The following B3GALT5 variants were observed in gnomAD, a reference collection of about 807,000 sequenced individuals.
B3GALT5 encodes beta-1,3-galactosyltransferase 5, also known as UDP-Gal:betaGlcNAc beta 1,3-galactosyltransferase, polypeptide 5.
For missense variants in B3GALT5, 328 were observed against 396.6 expected (o/e 0.83, Z 1.47); for synonymous variants, 156 against 158.6 (o/e 0.98, Z 0.12).
chr21:39,661,441 CTA>C lies in B3GALT5; in HGVS notation c.883_884del (p.Tyr295LeufsTer29). 1 of 1,531,394 alleles carries C rather than the reference CTA, an allele frequency of 6.5e-7. No individual in the cohort carries two copies. The highest frequency in any genetic ancestry group is 8.8e-7 in the Non-Finnish European group (1 of 1,141,486). The allele number at this position is 1,531,394 out of a possible 1,614,324, so 94.9% of individuals were successfully genotyped here. ...HFIKPRTLLD[Y>X]WQALENSRGE... ...TCATCAAGCCTCGGACTCTCTTGGA[CTA>C]CTGGCAGGCTCTAGAGAATTCCCGG... On this transcript the variant is annotated frameshift_variant, in exon 4 of 4. Transcript: ENST00000684187. LOFTEE classifies it low-confidence loss of function (END_TRUNC). The surrounding 1 kb of genome is among the most constrained non-coding windows in gnomAD (Gnocchi z 4.7).
At chr21:39,628,697 C>T (rs984604378) in intron 1 of B3GALT5, among the ~76,000 whole-genome samples, 3 of 152,188 alleles carry the variant, frequency 2.0e-5, no homozygotes, top group Non-Finnish European at 4.4e-5. Context: ...TCACAAATGT[C>T]GTCCTGTACA....
intron 1 of B3GALT5, among the ~76,000 whole-genome samples, chr21:39,638,151 C>T (rs1461750007): frequency 6.6e-6 from 1 of 152,140 alleles, no homozygotes; most frequent in African/African-American, 2.4e-5. Flanking sequence ...GGTTAGGGCT[C>T]CATCCCTAGG....
chr21:39,657,847 ACTGG>A, intron 2 of B3GALT5: 1 of 1,231,778 alleles, frequency 8.1e-7, no homozygotes, highest in Non-Finnish European at 1.0e-6. Context: ...TCCGTTATTG[ACTGG>A]CTGGTCAGGC....
At chr21:39,616,088 C>A (rs1254628118) in intron 1 of B3GALT5, among the ~76,000 whole-genome samples, 1 of 151,298 alleles carries the variant, frequency 6.6e-6, no homozygotes, top group Non-Finnish European at 1.5e-5. Flanking sequence ...TGGTCCCTGT[C>A]TTTTTTTTTG....
At chr21:39,638,427 G>A (rs930629019) in intron 1 of B3GALT5, among the ~76,000 whole-genome samples, 2 of 152,190 alleles carry the variant, frequency 1.3e-5, no homozygotes, top group Non-Finnish European at 2.9e-5. Context: ...AGAAGGATGC[G>A]GAGGCGGGCT....
intron 1 of B3GALT5, among the ~76,000 whole-genome samples, chr21:39,624,090 C>T (rs959872378): frequency 1.3e-5 from 2 of 152,202 alleles, no homozygotes; most frequent in Non-Finnish European, 1.5e-5. Flanking sequence ...GTTTCTTTCT[C>T]ATTTATCTCC....
At chr21:39,649,913 G>A (rs1425399587) in intron 2 of B3GALT5, among the ~76,000 whole-genome samples, 1 of 152,200 alleles carries the variant, frequency 6.6e-6, no homozygotes, top group African/African-American at 2.4e-5. Flanking sequence ...TGTAAAGGTG[G>A]AGGCCTGGTT....
In B3GALT5 at chr21:39,650,698, G is replaced by T. The variant is rs112916055; in HGVS notation, c.-161+4076G>T. 7.4e-3 allele frequency among the ~76,000 whole-genome samples: 1,132 copies of T among 152,304 alleles called. 5 individuals are homozygous for T. The highest frequency in any genetic ancestry group is 0.012 in the Non-Finnish European group (788 of 68,034). ...GCCGGGGTGCTCTCCTGTGGCTCTG[G>T]TGGAACGTCCACAGGATACTGGAGA... On this transcript the variant is annotated intron_variant, in intron 2 of 3. Transcript: ENST00000684187.
intron 1 of B3GALT5, among the ~76,000 whole-genome samples, chr21:39,615,133 C>T (rs2079100914): frequency 6.6e-6 from 1 of 152,212 alleles, no homozygotes; most frequent in Non-Finnish European, 1.5e-5. Context: ...CTGCCCCTTC[C>T]TGCTCCCAGG....
chr21:39,638,099 G>A (rs768898907), intron 1 of B3GALT5, among the ~76,000 whole-genome samples: 1 of 152,152 alleles, frequency 6.6e-6, no homozygotes, highest in Non-Finnish European at 1.5e-5. Context: ...GGAAGGGCAC[G>A]GTCCCTTTAA....
At position 39,668,361 on chromosome 21, in the gene B3GALT5, C is replaced by G. The variant is rs2079597185; in HGVS notation, c.*6869C>G. 1 of 152,220 alleles carries G rather than the reference C, an allele frequency of 6.6e-6. No individual in the cohort carries two copies. The highest frequency in any genetic ancestry group is 2.1e-4 in the South Asian group (1 of 4,836). 9.4% of individuals were successfully genotyped at this position (152,220 alleles called of 1,614,324 possible). A position where few individuals can be genotyped will look rare whatever the true frequency, so the allele number is the denominator to read the frequency against. ...GCAGACCCAGGCTCTAAGCTAGCCT[C>G]TGCAAACTCAGGATATATATTCCAA... On this transcript the variant is annotated 3_prime_UTR_variant, in exon 4 of 4. Coordinates refer to ENST00000684187, the MANE Select transcript of B3GALT5 (RefSeq NM_001356336.2).
chr21:39,639,589 C>T (rs1166693139), intron 1 of B3GALT5, among the ~76,000 whole-genome samples: 3 of 151,324 alleles, frequency 2.0e-5, no homozygotes, highest in Non-Finnish European at 2.9e-5. Context: ...AAGCAATTCT[C>T]CTGCCTCAGC....
chr21:39,651,821 G>A (rs1003066474), intron 2 of B3GALT5, among the ~76,000 whole-genome samples: 8 of 152,114 alleles, frequency 5.3e-5, no homozygotes, highest in Middle Eastern at 3.2e-3. Context: ...TAAATGAGGC[G>A]ATGAGGAAGT....
chr21:39,639,302 C>CTT (rs1235554673), intron 1 of B3GALT5, among the ~76,000 whole-genome samples: 2 of 76,730 alleles, frequency 2.6e-5, no homozygotes, highest in Admixed American at 1.4e-4. Flanking sequence ...TTCTTTCTTT[C>CTT]TTTCTTTCTT....
chr21:39,668,484 G>T lies in B3GALT5; in HGVS notation c.*6992G>T, dbSNP rs2079598456. The T allele has an allele frequency of 6.6e-6, 1 of 152,236 alleles. No individual in the cohort carries two copies. The highest frequency in any genetic ancestry group is 2.1e-4 in the South Asian group (1 of 4,830). 9.4% of individuals were successfully genotyped at this position (152,236 alleles called of 1,614,324 possible). On this transcript the variant is annotated 3_prime_UTR_variant, in exon 4 of 4. Coordinates refer to ENST00000684187, the MANE Select transcript of B3GALT5 (RefSeq NM_001356336.2). ...AGATGGCGTGGTGTGGAGTGCCCAG[G>T]TGTGAAATGGTTGTCTCAATGGAAG...
chr21:39,635,088 G>T (rs1424562364), intron 1 of B3GALT5, among the ~76,000 whole-genome samples: 2 of 152,180 alleles, frequency 1.3e-5, no homozygotes, highest in African/African-American at 2.4e-5. Flanking sequence ...AAAAGACATG[G>T]TAGCATAAGA....
intron 1 of B3GALT5, among the ~76,000 whole-genome samples, chr21:39,643,857 T>C (rs2079312958): frequency 6.6e-6 from 1 of 152,148 alleles, no homozygotes; most frequent in Non-Finnish European, 1.5e-5. Context: ...GAGTATGAGT[T>C]TTGCCTGCTC....
At chr21:39,634,491 T>A (rs886873946) in intron 1 of B3GALT5, among the ~76,000 whole-genome samples, 1 of 152,208 alleles carries the variant, frequency 6.6e-6, no homozygotes, top group African/African-American at 2.4e-5. Context: ...TGGCTCACTC[T>A]GCCCAATTCT....
At position 39,667,637 on chromosome 21, in the gene B3GALT5, G is replaced by T. The variant is rs1418569906; in HGVS notation, c.*6145G>T. 1 of 152,224 alleles carries T rather than the reference G, an allele frequency of 6.6e-6. No individual in the cohort carries two copies. Among genetic ancestry groups the T allele is most frequent in the East Asian group, 1.9e-4 (1 of 5,186 alleles). 9.4% of individuals were successfully genotyped at this position (152,224 alleles called of 1,614,324 possible). ...CTGTACTGACGTACAGCCTTGCAGAGCCTCCAGCTTCCATGGTGGCAGGAG... is the reference window on the plus strand; with the variant it reads ...CTGTACTGACGTACAGCCTTGCAGATCCTCCAGCTTCCATGGTGGCAGGAG... On this transcript the variant is annotated 3_prime_UTR_variant, in exon 4 of 4. Coordinates refer to ENST00000684187, the MANE Select transcript of B3GALT5 (RefSeq NM_001356336.2).
Sources: allele counts gnomAD v4.1 joint callset (sites outside exome capture counted in the v4.1 genomes callset), GRCh38; gene constraint gnomAD v4.1.1; non-coding constraint Gnocchi (gnomAD v3.1); transcripts MANE v1.5; gene names NCBI Gene and HGNC (gene_info 2026-07-23, HGNC 2026-07-21).